Variants in CAPN2 observed in about 807,000 individuals in gnomAD.
CAPN2 encodes the protein calpain-2 catalytic subunit.
Under a neutral mutation model 102.3 loss-of-function variants are expected in CAPN2, and 92 were observed. That is an observed-to-expected ratio of 0.90 (90% CI 0.76 to 1.07). The LOEUF (loss-of-function observed/expected upper bound fraction) is 1.07, where lower values mean the gene tolerates loss of function less well. Ranked by LOEUF, CAPN2 falls within the 50% of genes least tolerant of loss-of-function variation. The pLI, the probability that CAPN2 is intolerant of heterozygous loss-of-function variation, is 0.00. For synonymous variants in CAPN2, 340 were observed against 355.4 expected (o/e 0.96, Z 0.49); for missense variants, 800 against 909.4 (o/e 0.88, Z 1.55).
At position 223,756,641 on chromosome 1, in the gene CAPN2, G is replaced by A. The variant is rs770945105; in HGVS notation, c.1306-728G>A. ...AGGCTCTGTGCTCACCACTGGCAAC[G>A]TTGCCACCCATGGAACACTGACTTC... On this transcript the variant is annotated intron_variant, in intron 10 of 20. Transcript: ENST00000295006. The surrounding 1 kb of genome is among the most constrained non-coding windows in gnomAD (Gnocchi z 4.1). Among the ~76,000 whole-genome samples the A allele has an allele frequency of 8.5e-5, 13 of 152,152 alleles. No individual in the cohort carries two copies. Among genetic ancestry groups the A allele is most frequent in the South Asian group, 2.1e-4 (1 of 4,828 alleles).
chr1:223,739,488 A>G (rs1374227900), intron 2 of CAPN2, among the ~76,000 whole-genome samples: 6 of 152,134 alleles, frequency 3.9e-5, no homozygotes, highest in African/African-American at 1.4e-4. Context: ...CTGGCCCATA[A>G]GCAGATTTTG....
intron 1 of CAPN2, among the ~76,000 whole-genome samples, chr1:223,713,629 C>T (rs1436383865): frequency 6.6e-6 from 1 of 152,166 alleles, no homozygotes; most frequent in Non-Finnish European, 1.5e-5. Flanking sequence ...GAGGCTCCTC[C>T]TCCTTTGGGA....
At chr1:223,764,337 T>C in intron 15 of CAPN2, 130 bp downstream of exon 15, 6 of 741,820 alleles carry the variant, frequency 8.1e-6, no homozygotes, top group Non-Finnish European at 1.5e-5. Context: ...CTCCAAGAAG[T>C]GGATGAAGGA....
chr1:223,771,994 G>A (rs889499631), intron 19 of CAPN2, 69 bp downstream of exon 19: 20 of 1,209,718 alleles, frequency 1.7e-5, no homozygotes, highest in African/African-American at 4.5e-5. Flanking sequence ...CTTTCACCTC[G>A]GTGAAATCAT....
rs371351571 is a variant in CAPN2 at position 223,750,979 on chromosome 1, A to C, written c.899+4A>C. The C allele has an allele frequency of 1.1e-4, 165 of 1,551,484 alleles. No individual in the cohort carries two copies. Among genetic ancestry groups the C allele is most frequent in the Admixed American group, 5.9e-5 (3 of 50,982 alleles). ...GGACAGGGCGGTGGAATGACAAGTG[A>C]GGAGGGCGCAGGCCTCGGGGCCCCA... On this transcript the variant is annotated splice_donor_region_variant and intron_variant, in intron 7 of 20. Transcript: ENST00000295006.
Position 223,747,065 on chromosome 1 carries a change from G to T in CAPN2, c.629G>T (p.Gly210Val), listed in dbSNP as rs760130328. 4 of 1,614,090 alleles carry T rather than the reference G, an allele frequency of 2.5e-6. No homozygotes were observed. Among genetic ancestry groups the T allele is most frequent in the Non-Finnish European group, 2.5e-6 (3 of 1,179,974 alleles). Residue 210 changes from glycine (G) to valine (V), a missense_variant, in exon 5 of 21, where the codon GGC (glycine) becomes GTC (valine). By Grantham distance (109) the Gly-to-Val change is moderately radical. Coordinates refer to ENST00000295006, the MANE Select transcript of CAPN2 (RefSeq NM_001748.5). ...TTEGFEDFTG[G>V]IAEWYELKKP... is the part of the protein sequence containing the mutation. ...GAGGGCTTCGAAGACTTCACCGGAG[G>T]CATTGCTGAGTGGTATGAGTTGAAG...
At chr1:223,749,006 G>T (rs779828395) in intron 5 of CAPN2, 33 bp from the exon 6 acceptor site, 1 of 1,590,654 alleles carries the variant, frequency 6.3e-7, no homozygotes, top group Non-Finnish European at 8.6e-7. Context: ...GGGAGAGCGG[G>T]TGCGGCCAGT....
At chr1:223,707,932 C>T (rs1251015701), upstream of CAPN2, among the ~76,000 whole-genome samples, 1 of 152,232 alleles carries the variant, frequency 6.6e-6, no homozygotes, top group Non-Finnish European at 1.5e-5. Flanking sequence ...GAGGAGAAGC[C>T]TGCGCTCTGC....
Position 223,759,898 on chromosome 1 carries a change from C to G in CAPN2, c.1529+417C>G, listed in dbSNP as rs3820479. Among the ~76,000 whole-genome samples, 4 of 112,748 alleles carry G rather than the reference C, an allele frequency of 3.5e-5. No individual in the cohort carries two copies. In the Admixed American group the frequency reaches 4.0e-4, roughly 11 times the overall value. The allele number at this position is 112,748 out of a possible 152,430, so 74.0% of individuals were successfully genotyped here. A position where few individuals can be genotyped will look rare whatever the true frequency, so the allele number is the denominator to read the frequency against. ...ACCAAGGGTGTAAGGTGGGAACCAT[C>G]TCAACGGTTCCCACCTCCAGAACCT... On this transcript the variant is annotated intron_variant, in intron 12 of 20. Transcript: ENST00000295006. The surrounding 1 kb of genome is among the most constrained non-coding windows in gnomAD (Gnocchi z 4.6).
chr1:223,765,269 G>A (rs1452940954), intron 15 of CAPN2, among the ~76,000 whole-genome samples: 3 of 152,206 alleles, frequency 2.0e-5, no homozygotes, highest in African/African-American at 7.2e-5. Context: ...AGAGTCCAGG[G>A]CCAGCTGGGT....
chr1:223,750,591 G>A (rs901190284), intron 6 of CAPN2, among the ~76,000 whole-genome samples: 1 of 152,122 alleles, frequency 6.6e-6, no homozygotes, highest in Non-Finnish European at 1.5e-5. Flanking sequence ...TACCAAAAGC[G>A]CATCCTGTCA....
At chr1:223,753,683 A>G (rs951697076) in intron 9 of CAPN2, among the ~76,000 whole-genome samples, 6 of 152,246 alleles carry the variant, frequency 3.9e-5, no homozygotes, top group Non-Finnish European at 8.8e-5. Flanking sequence ...CAGCCCCAAC[A>G]TGATACCACA....
intron 1 of CAPN2, among the ~76,000 whole-genome samples, chr1:223,705,483 T>G (rs1659582882): frequency 6.6e-6 from 1 of 152,142 alleles, no homozygotes; most frequent in Non-Finnish European, 1.5e-5. Context: ...GGGAGGGACT[T>G]AGGGATGAAA....
intron 20 of CAPN2, 101 bp downstream of exon 20, chr1:223,772,340 A>G: frequency 9.7e-7 from 1 of 1,025,846 alleles, no homozygotes; most frequent in Non-Finnish European, 1.5e-6. Context: ...TTTGCTTTAA[A>G]GAGCTCTTGG....
Position 223,726,485 on chromosome 1 carries a change from CCTT to C in CAPN2, c.307+8657_307+8659del, listed in dbSNP as rs1422015814. 2.6e-5 allele frequency among the ~76,000 whole-genome samples: 4 copies of C among 152,284 alleles called. No individual in the cohort carries two copies. Among genetic ancestry groups the C allele is most frequent in the East Asian group, 3.9e-4 (2 of 5,180 alleles). The stretch of plus-strand genomic sequence containing the variant: ...CGACAAAACATGCAACAGGTTATGT[CCTT>C]CTGGTCCAGGGCACGGCTGAGACAG... On this transcript the variant is annotated intron_variant, in intron 2 of 20. Transcript: ENST00000295006. The surrounding 1 kb of genome is among the most constrained non-coding windows in gnomAD (Gnocchi z 4.4).
In CAPN2 at chr1:223,726,810, A is replaced by G. The variant is rs1185034934; in HGVS notation, c.307+8979A>G. Among the ~76,000 whole-genome samples the G allele has an allele frequency of 6.6e-6, 1 of 152,168 alleles. No individual in the cohort carries two copies. Among genetic ancestry groups the G allele is most frequent in the Non-Finnish European group, 1.5e-5 (1 of 68,024 alleles). ...AAGGATGATTGTACATGCATGGGGA[A>G]TTCCACTTTGGGGGTATCCTTTTCT... On this transcript the variant is annotated intron_variant, in intron 2 of 20. Transcript: ENST00000295006. This position sits in a 1 kb window ranked among gnomAD's most constrained non-coding sequence, Gnocchi z 4.4.
chr1:223,752,094 G>C, intron 8 of CAPN2, 23 bp downstream of exon 8: 1 of 1,534,586 alleles, frequency 6.5e-7, no homozygotes, highest in Non-Finnish European at 9.0e-7. Context: ...GAGGCTTCAG[G>C]GAAAGCTCTG....
upstream of CAPN2, among the ~76,000 whole-genome samples, chr1:223,711,387 G>A (rs751722814): frequency 6.6e-6 from 1 of 152,182 alleles, no homozygotes; most frequent in Non-Finnish European, 1.5e-5. Flanking sequence ...GGTCACAGTA[G>A]CCAACACAGG....
chr1:223,759,618 A>C lies in CAPN2; in HGVS notation c.1529+137A>C. 1 of 655,086 alleles carries C rather than the reference A, an allele frequency of 1.5e-6. No individual in the cohort carries two copies. Among genetic ancestry groups the C allele is most frequent in the East Asian group, 2.8e-5 (1 of 36,166 alleles). 40.6% of individuals were successfully genotyped at this position (655,086 alleles called of 1,614,324 possible). Reference sequence around the variant, plus strand: ...TAACACCTGCCCACCTCGAAGGACTAGTGTGGGGATTTGATGGATTGAGGA... The same window carrying C: ...TAACACCTGCCCACCTCGAAGGACTCGTGTGGGGATTTGATGGATTGAGGA... On this transcript the variant is annotated intron_variant, in intron 12 of 20. Coordinates refer to ENST00000295006, the MANE Select transcript of CAPN2 (RefSeq NM_001748.5). This position sits in a 1 kb window ranked among gnomAD's most constrained non-coding sequence, Gnocchi z 4.6.
Sources: gnomAD v4.1 joint callset for allele counts (sites outside exome capture counted in the v4.1 genomes callset) on GRCh38, gnomAD v4.1.1 for gene constraint, Gnocchi (gnomAD v3.1) non-coding constraint, MANE v1.5 for transcripts, NCBI Gene and HGNC (gene_info 2026-07-23, HGNC 2026-07-21) for gene names.